Variants in DNAH9 observed in about 807,000 individuals in gnomAD.
DNAH9 encodes the protein DNAH9 variant protein.
A neutral mutation model predicts 471.6 loss-of-function variants in DNAH9; 345 were observed. The ratio of observed to expected loss-of-function variants is 0.73; its 90% confidence interval spans 0.67 to 0.80. The LOEUF is 0.80. Among genes scored for constraint, DNAH9 ranks in the 30% least tolerant of loss-of-function variants. The pLI is 0.00. For missense variants in DNAH9, 5,407 were observed against 5,609.2 expected (o/e 0.96, Z 1.15); for synonymous variants, 2,093 against 2,123.6 (o/e 0.99, Z 0.40).
At position 11,747,682 on chromosome 17, in the gene DNAH9, G is replaced by T. The variant is rs756835987; in HGVS notation, c.6526G>T (p.Val2176Phe). The T allele has an allele frequency of 6.2e-7, 1 of 1,614,122 alleles. No homozygotes were observed. Among genetic ancestry groups the T allele is most frequent in the South Asian group, 1.1e-5 (1 of 91,080 alleles). The change falls in exon 32 of 69, where the codon GTC becomes TTC. Residue 2176 changes from valine (V) to phenylalanine (F), a missense_variant. Val to Phe is a conservative substitution (Grantham distance 50, BLOSUM62 -1). Transcript: ENST00000262442. ...CTATCAGATCATGAAACGGCGCCCC[G>T]TCTGGACTGACCTCAATCCCAAAGC... ...KTYQIMKRRP[V>F]WTDLNPKAVT...
At chr17:11,679,689 A>G in intron 17 of DNAH9, 68 bp from the exon 18 acceptor site, 1 of 1,137,736 alleles carries the variant, frequency 8.8e-7, no homozygotes, top group Non-Finnish European at 1.3e-6. Context: ...TTGTTGGGGA[A>G]ATCAATACAT....
chr17:11,784,269 T>A (rs1434992755), intron 40 of DNAH9, 31 bp from the exon 41 acceptor site: 1 of 1,610,754 alleles, frequency 6.2e-7, no homozygotes, highest in East Asian at 2.2e-5. Flanking sequence ...TGGTAACGGA[T>A]GTTGAGCTCA....
intron 1 of DNAH9, among the ~76,000 whole-genome samples, chr17:11,607,525 G>A (rs1490728831): frequency 6.6e-6 from 1 of 152,112 alleles, no homozygotes; most frequent in East Asian, 1.9e-4. Flanking sequence ...TCAGGGATAA[G>A]CGGGAACTGT....
intron 49 of DNAH9, among the ~76,000 whole-genome samples, chr17:11,837,356 G>A (rs11869156): frequency 0.012 from 1,805 of 152,294 alleles, 30 homozygotes; most frequent in African/African-American, 0.04. Context: ...ATAGCTTGGT[G>A]CAAGTCACTG....
At chr17:11,670,704 G>A (rs1355364662) in intron 17 of DNAH9, among the ~76,000 whole-genome samples, 1 of 139,978 alleles carries the variant, frequency 7.1e-6, no homozygotes, top group Non-Finnish European at 1.5e-5. Context: ...CGCTTTGTGG[G>A]GATTTTTTTT....
chr17:11,608,431 C>A, intron 2 of DNAH9, 106 bp downstream of exon 2: 1 of 860,650 alleles, frequency 1.2e-6, no homozygotes, highest in South Asian at 1.6e-5. Flanking sequence ...CACATCTCCT[C>A]GTTCTGCACA....
At chr17:11,945,405 C>T (rs368659313) in intron 67 of DNAH9, among the ~76,000 whole-genome samples, 1 of 151,730 alleles carries the variant, frequency 6.6e-6, no homozygotes, top group Non-Finnish European at 1.5e-5. Flanking sequence ...GGCGTGGTGG[C>T]GGGCGCCTGT....
chr17:11,900,778 C>G (rs1186710878), intron 59 of DNAH9, among the ~76,000 whole-genome samples: 3 of 152,174 alleles, frequency 2.0e-5, no homozygotes, highest in Non-Finnish European at 2.9e-5. Context: ...ACTCATGGCA[C>G]TGTGGTAGGT....
At chr17:11,868,683 A>T (rs1972150062) in intron 50 of DNAH9, among the ~76,000 whole-genome samples, 1 of 151,790 alleles carries the variant, frequency 6.6e-6, no homozygotes, top group Non-Finnish European at 1.5e-5. Context: ...TTTTCATGCT[A>T]ACCCCAGTTT....
At chr17:11,751,111 AAAAG>A (rs1967131335) in intron 32 of DNAH9, among the ~76,000 whole-genome samples, 2 of 152,150 alleles carry the variant, frequency 1.3e-5, no homozygotes, top group Non-Finnish European at 2.9e-5. Context: ...TTGAAAAACT[AAAAG>A]AAATAAATCA....
chr17:11,625,441 C>T (rs1281981336), intron 6 of DNAH9, among the ~76,000 whole-genome samples: 1 of 152,182 alleles, frequency 6.6e-6, no homozygotes, highest in Admixed American at 6.5e-5. Flanking sequence ...TATGTGGTCA[C>T]ATAGGAGACC....
At chr17:11,793,417 A>AGATAAAAT (rs1969129115) in intron 41 of DNAH9, 86 bp from the exon 42 acceptor site, 6 of 1,226,870 alleles carry the variant, frequency 4.9e-6, no homozygotes, top group Admixed American at 2.1e-5. Flanking sequence ...ATCCCAGGTT[A>AGATAAAAT]GATAAAATGC....
chr17:11,945,780 C>T (rs925887172), intron 67 of DNAH9, among the ~76,000 whole-genome samples: 14 of 151,374 alleles, frequency 9.2e-5, no homozygotes, highest in Non-Finnish European at 1.6e-4. Flanking sequence ...CACTTGTGGC[C>T]GGGCGCAGTG....
intron 13 of DNAH9, 118 bp from the exon 14 acceptor site, chr17:11,652,643 T>C (rs2073538360): frequency 2.1e-6 from 2 of 960,398 alleles, no homozygotes; most frequent in Admixed American, 4.6e-5. Flanking sequence ...TGAAGTTACC[T>C]GTGTAGAAAA....
chr17:11,708,175 C>T (rs1173017156), intron 26 of DNAH9, among the ~76,000 whole-genome samples: 1 of 152,130 alleles, frequency 6.6e-6, no homozygotes, highest in Non-Finnish European at 1.5e-5. Flanking sequence ...CAATCAAGAA[C>T]CTTTGTCTAT....
At chr17:11,886,148 C>A (rs1391733370) in intron 56 of DNAH9, among the ~76,000 whole-genome samples, 6 of 152,152 alleles carry the variant, frequency 3.9e-5, no homozygotes, top group African/African-American at 1.2e-4. Flanking sequence ...CATGGTGAAA[C>A]CCCTTCTCTA....
At chr17:11,915,513 T>C (rs1973921291) in intron 61 of DNAH9, among the ~76,000 whole-genome samples, 2 of 150,886 alleles carry the variant, frequency 1.3e-5, no homozygotes, top group African/African-American at 4.9e-5. Flanking sequence ...ACACAGAGAC[T>C]CCATCTCAAA....
At chr17:11,622,714 A>G (rs1376802469) in intron 6 of DNAH9, among the ~76,000 whole-genome samples, 1 of 152,200 alleles carries the variant, frequency 6.6e-6, no homozygotes, top group Non-Finnish European at 1.5e-5. Flanking sequence ...CAGTAAATAT[A>G]AGCAGTGATG....
At chr17:11,680,691 G>A (rs765887794) in intron 18 of DNAH9, 32 bp from the exon 19 acceptor site, 1 of 1,607,784 alleles carries the variant, frequency 6.2e-7, no homozygotes, top group Non-Finnish European at 8.5e-7. Flanking sequence ...GAGCACCTTG[G>A]GAATCTGACC....
Sources: allele counts gnomAD v4.1 joint callset (sites outside exome capture counted in the v4.1 genomes callset), GRCh38; gene constraint gnomAD v4.1.1; transcripts MANE v1.5; gene names NCBI Gene and HGNC (gene_info 2026-07-23, HGNC 2026-07-21).